The following ESRRB variants were observed in gnomAD, a reference collection of about 807,000 sequenced individuals.
The protein encoded by ESRRB is steroid hormone receptor ERR2.
A neutral mutation model predicts 46.0 loss-of-function variants in ESRRB; 16 were observed. That is an observed-to-expected ratio of 0.35 (90% CI 0.24 to 0.53). ESRRB has a LOEUF of 0.53. ESRRB is among the 20% of genes least tolerant of loss of function. The pLI is 0.93. For synonymous variants in ESRRB, 246 were observed against 259.6 expected, an observed-to-expected ratio of 0.95 and a Z score of 0.50; for missense variants, 488 against 607.4, an observed-to-expected ratio of 0.80 and a Z score of 2.07.
chr14:76,353,976 GA>G (rs924402401), intron 1 of ESRRB, among the ~76,000 whole-genome samples: 1 of 151,976 alleles, frequency 6.6e-6, no homozygotes, highest in Admixed American at 6.6e-5. Flanking sequence ...TAAAAATAAA[GA>G]AAAGAAAAGA....
At chr14:76,320,148 G>A (rs565519068) in intron 1 of ESRRB, among the ~76,000 whole-genome samples, 2 of 152,254 alleles carry the variant, frequency 1.3e-5, no homozygotes, top group Non-Finnish European at 2.9e-5. Context: ...AGGGCAAGTG[G>A]ATGCATTGTT....
At chr14:76,342,451 G>T (rs563327243) in intron 1 of ESRRB, among the ~76,000 whole-genome samples, 1 of 152,322 alleles carries the variant, frequency 6.6e-6, no homozygotes, top group Non-Finnish European at 1.5e-5. Flanking sequence ...GGGAAATATT[G>T]CTGATTACAG....
intron 1 of ESRRB, among the ~76,000 whole-genome samples, chr14:76,435,082 G>C (rs1887616259): frequency 6.6e-6 from 1 of 152,204 alleles, no homozygotes; most frequent in Admixed American, 6.5e-5. Flanking sequence ...GATTAAATAA[G>C]ATGGCACGGA....
At chr14:76,455,103 G>C (rs1028239568) in intron 2 of ESRRB, among the ~76,000 whole-genome samples, 1 of 152,148 alleles carries the variant, frequency 6.6e-6, no homozygotes, top group African/African-American at 2.4e-5. Context: ...TGTAATCCCA[G>C]CTACTTGGGA....
At chr14:76,407,088 G>A (rs1192302638) in intron 1 of ESRRB, among the ~76,000 whole-genome samples, 1 of 152,230 alleles carries the variant, frequency 6.6e-6, no homozygotes, top group East Asian at 1.9e-4. Flanking sequence ...AGAAAATGCA[G>A]TCTTCAAAGG....
chr14:76,480,498 C>T (rs1329056699), intron 3 of ESRRB, among the ~76,000 whole-genome samples: 3 of 152,232 alleles, frequency 2.0e-5, no homozygotes, highest in East Asian at 1.9e-4. Context: ...CTCTAGGAAA[C>T]TTCCTTCTTC....
intron 5 of ESRRB, among the ~76,000 whole-genome samples, chr14:76,487,827 C>A (rs1890078275): frequency 6.6e-6 from 1 of 152,170 alleles, no homozygotes; most frequent in Non-Finnish European, 1.5e-5. Flanking sequence ...TGGCATTACA[C>A]TCCTGGGCTC....
Position 76,321,175 on chromosome 14 carries a change from C to T in ESRRB, c.2+10259C>T, listed in dbSNP as rs567471909. ...CTCTATTGGTCTCTGTGCCCCTTTC[C>T]ATTTTTGCCTTTGCCATTTTATAAA... On this transcript the variant is annotated intron_variant, in intron 1 of 6. Coordinates refer to the ESRRB transcript ENST00000512784. Among the ~76,000 whole-genome samples, 3 of 152,292 alleles carry T rather than the reference C, an allele frequency of 2.0e-5. No homozygotes were observed. In the South Asian group the frequency reaches 6.2e-4, roughly 32 times the overall value.
chr14:76,463,191 C>G lies in ESRRB; in HGVS notation c.577+530C>G, dbSNP rs1316169430. 1.4e-5 allele frequency: 3 copies of G among 213,164 alleles called. No individual in the cohort carries two copies. In the East Asian group the frequency reaches 3.5e-4, roughly 25 times the overall value. 13.2% of individuals were successfully genotyped at this position (213,164 alleles called of 1,614,324 possible). On this transcript the variant is annotated intron_variant, in intron 3 of 6. Coordinates refer to ENST00000644823, the MANE Select transcript of ESRRB (RefSeq NM_001379180.1). ...CTCTCCCTTCCCTCTCCTTTCTCTCCCTGCGTCCTCTGTCTCTAGAGCTGT... is the reference window on the plus strand; with the variant it reads ...CTCTCCCTTCCCTCTCCTTTCTCTCGCTGCGTCCTCTGTCTCTAGAGCTGT...
chr14:76,429,077 G>A (rs1887320390), intron 1 of ESRRB, among the ~76,000 whole-genome samples: 1 of 151,952 alleles, frequency 6.6e-6, no homozygotes, highest in Admixed American at 6.6e-5. Flanking sequence ...AAATAAAATG[G>A]CACCACCACA....
intron 1 of ESRRB, among the ~76,000 whole-genome samples, chr14:76,394,879 C>T (rs555271453): frequency 6.6e-5 from 10 of 152,212 alleles, no homozygotes; most frequent in East Asian, 1.9e-4. Context: ...GATGGCTGGA[C>T]GGACTGACAT....
At chr14:76,379,682 G>A (rs1459805628) in intron 1 of ESRRB, among the ~76,000 whole-genome samples, 2 of 152,106 alleles carry the variant, frequency 1.3e-5, no homozygotes, top group Non-Finnish European at 2.9e-5. Flanking sequence ...TGAACTGGGA[G>A]GAGACATTAG....
At chr14:76,376,094 T>G (rs3742756), upstream of ESRRB, 554 of 198,204 alleles carry the variant, frequency 2.8e-3, 11 homozygotes, top group East Asian at 0.045. The surrounding 1 kb of genome is among the most constrained non-coding windows in gnomAD (Gnocchi z 4.1). Context: ...AAACTATACA[T>G]CAGTCTCCCA....
chr14:76,457,209 A>C (rs1888649819), intron 2 of ESRRB, among the ~76,000 whole-genome samples: 1 of 152,186 alleles, frequency 6.6e-6, no homozygotes, highest in South Asian at 2.1e-4. Flanking sequence ...AGGTTCTACC[A>C]GTGCCTGCCT....
At position 76,446,402 on chromosome 14, in the gene ESRRB, G is replaced by A. The variant is rs549782739; in HGVS notation, c.460+6652G>A. ...TTTTTGTTTTGTTTTTGTTTTTGTC[G>A]CTGGGGGCTGTGATGACACTCACTG... On this transcript the variant is annotated intron_variant, in intron 2 of 6. Transcript: ENST00000644823. 6.7e-5 allele frequency among the ~76,000 whole-genome samples: 10 copies of A among 149,402 alleles called. No homozygotes were observed. In the South Asian group the frequency reaches 1.1e-3, roughly 16 times the overall value.
chr14:76,498,641 GGGGAT>G lies in ESRRB; in HGVS notation c.*187_*191del. 3.4e-6 allele frequency: 4 copies of G among 1,192,176 alleles called. No homozygotes were observed. Among genetic ancestry groups the G allele is most frequent in the Non-Finnish European group, 3.5e-6 (3 of 864,606 alleles). The allele number at this position is 1,192,176 out of a possible 1,614,324, so 73.8% of individuals were successfully genotyped here. A position where few individuals can be genotyped will look rare whatever the true frequency, so the allele number is the denominator to read the frequency against. On this transcript the variant is annotated 3_prime_UTR_variant, in exon 7 of 7. Transcript: ENST00000644823. ...TCCCGGGTGCAGTGGGGTGGGGGAC[GGGGAT>G]GGGGGGGCAGGGGTGTGGGGCTCGA...
At chr14:76,346,674 G>T (rs1884254336) in intron 1 of ESRRB, among the ~76,000 whole-genome samples, 1 of 152,158 alleles carries the variant, frequency 6.6e-6, no homozygotes, top group Non-Finnish European at 1.5e-5. Context: ...ACTGGGAGCT[G>T]CTTCTGGGGG....
intron 2 of ESRRB, among the ~76,000 whole-genome samples, chr14:76,452,498 T>C (rs1336679036): frequency 6.6e-6 from 1 of 151,480 alleles, no homozygotes; most frequent in Non-Finnish European, 1.5e-5. Context: ...GTGGTGGCTA[T>C]AATCCCAGCT....
rs924056796 is a variant in ESRRB at position 76,376,288 on chromosome 14, TCGCGCTCACTGTGCCCTGCC to T, written c.-111_-92del. On this transcript the variant is annotated 5_prime_UTR_variant, in exon 1 of 7. An upstream open reading frame in the 5' UTR loses its in-frame stop. Transcript: ENST00000644823. The surrounding 1 kb of genome is among the most constrained non-coding windows in gnomAD (Gnocchi z 4.1). ...GGCCGCCTCCTCCCACTCTGCGTTC[TCGCGCTCACTGTGCCCTGCC>T]CGGGCTCGCACCTTGCCCGTGCCCT... is the stretch of plus-strand genomic sequence containing the variant. The T allele has an allele frequency of 1.7e-5, 14 of 807,316 alleles. No individual in the cohort carries two copies. The Admixed American group carries it at 4.7e-4, about 27-fold the overall frequency. 50.0% of individuals were successfully genotyped at this position (807,316 alleles called of 1,614,324 possible). A position where few individuals can be genotyped will look rare whatever the true frequency, so the allele number is the denominator to read the frequency against.
Sources: allele counts gnomAD v4.1 joint callset (sites outside exome capture counted in the v4.1 genomes callset), GRCh38; gene constraint gnomAD v4.1.1; non-coding constraint Gnocchi (gnomAD v3.1); transcripts MANE v1.5; gene names NCBI Gene and HGNC (gene_info 2026-07-23, HGNC 2026-07-21).